BPTF: variants seen among roughly 807,000 people sequenced by gnomAD.
BPTF encodes nucleosome-remodeling factor subunit BPTF.
Under a neutral mutation model 292.5 loss-of-function variants are expected in BPTF, and 18 were observed. The ratio of observed to expected loss-of-function variants is 0.06; its 90% confidence interval spans 0.04 to 0.09. BPTF has a LOEUF of 0.09. BPTF is among the 10% of genes least tolerant of loss of function. The pLI, the probability that BPTF is intolerant of heterozygous loss-of-function variation, is 1.00. For missense variants in BPTF, 2,726 were observed against 3,498.7 expected (o/e 0.78, Z 5.57); for synonymous variants, 1,225 against 1,251.9 (o/e 0.98, Z 0.45).
Position 67,853,864 on chromosome 17 carries a change from G to T in BPTF, c.614-76G>T, listed in dbSNP as rs564005359. The T allele has an allele frequency of 2.8e-6, 3 of 1,076,860 alleles. No homozygotes were observed. In the East Asian group the frequency reaches 7.1e-5, roughly 26 times the overall value. The allele number at this position is 1,076,860 out of a possible 1,614,324, so 66.7% of individuals were successfully genotyped here. A position where few individuals can be genotyped will look rare whatever the true frequency, so the allele number is the denominator to read the frequency against. On this transcript the variant is annotated intron_variant, in intron 1 of 27. Coordinates refer to ENST00000306378, the MANE Select transcript of BPTF (RefSeq NM_182641.4). Reference sequence around the variant, plus strand: ...AAATGTACTTATGTATTTTAGGGGGGTATATGTTCAAATAGGAAATTTGTA... The same window carrying T: ...AAATGTACTTATGTATTTTAGGGGGTTATATGTTCAAATAGGAAATTTGTA...
At chr17:67,944,041 T>C in intron 19 of BPTF, 109 bp from the exon 20 acceptor site, 1 of 833,128 alleles carries the variant, frequency 1.2e-6, no homozygotes, top group Admixed American at 2.2e-5. Flanking sequence ...TTCAAATATG[T>C]ATTTTCATTA....
At chr17:67,838,778 T>C (rs1260670051) in intron 1 of BPTF, among the ~76,000 whole-genome samples, 1 of 152,234 alleles carries the variant, frequency 6.6e-6, no homozygotes, top group African/African-American at 2.4e-5. Flanking sequence ...ACCCAGCACA[T>C]GTGTGCATAC....
At chr17:67,974,346 A>T (rs983501741) in intron 26 of BPTF, 4 of 152,060 alleles carry the variant, frequency 2.6e-5, no homozygotes, top group African/African-American at 7.2e-5. Context: ...ACGTGGGAGA[A>T]TTCTGTTTGG....
At chr17:67,922,565 A>G (rs2147239662) in intron 13 of BPTF, among the ~76,000 whole-genome samples, 1 of 152,266 alleles carries the variant, frequency 6.6e-6, no homozygotes. Flanking sequence ...AAAGGCTCAT[A>G]AGCCTTGTAT....
chr17:67,963,051 G>A lies in BPTF; in HGVS notation c.8262-1161G>A, dbSNP rs567523991. Among the ~76,000 whole-genome samples the A allele has an allele frequency of 4.3e-4, 65 of 152,200 alleles. 1 individual carries two copies. Among genetic ancestry groups the A allele is most frequent in the African/African-American group, 1.6e-3 (65 of 41,526 alleles). On this transcript the variant is annotated intron_variant, in intron 24 of 27. Transcript: ENST00000306378. The stretch of plus-strand genomic sequence containing the variant: ...CAGAGGAAGACATTACCATCAATGT[G>A]TTGTTTCTTTTTTCAAATTCCAGTA...
chr17:67,833,178 C>T (rs1392511009), intron 1 of BPTF, among the ~76,000 whole-genome samples: 5 of 151,862 alleles, frequency 3.3e-5, no homozygotes, highest in Non-Finnish European at 5.9e-5. Flanking sequence ...TGTTTTCAAG[C>T]GTTATGCATA....
chr17:67,880,374 G>T (rs996106634), intron 4 of BPTF, among the ~76,000 whole-genome samples: 2 of 151,936 alleles, frequency 1.3e-5, no homozygotes, highest in Admixed American at 6.6e-5. Context: ...TGCTTTGATG[G>T]TTTGTAGTTT....
intron 1 of BPTF, among the ~76,000 whole-genome samples, chr17:67,847,387 G>A (rs1346838726): frequency 2.6e-5 from 4 of 152,044 alleles, no homozygotes; most frequent in African/African-American, 7.2e-5. Context: ...GGTGGCACAT[G>A]CCTGTAATTC....
At chr17:67,845,661 C>T (rs954350090) in intron 1 of BPTF, among the ~76,000 whole-genome samples, 3 of 151,990 alleles carry the variant, frequency 2.0e-5, no homozygotes, top group African/African-American at 7.2e-5. Flanking sequence ...TTTGTCCCAG[C>T]TACTCAGGAG....
At chr17:67,956,660 C>CT (rs1555681174) in intron 23 of BPTF, 4 of 128,758 alleles carry the variant, frequency 3.1e-5, no homozygotes, top group Non-Finnish European at 6.5e-5. Flanking sequence ...TTCAGTTCTA[C>CT]TTAAAAAAAA....
Position 67,911,708 on chromosome 17 carries a change from T to C in BPTF, c.3824T>C (p.Phe1275Ser). ...DATPLSRAMD[F>S]EGKLGCDSES... Reference sequence around the variant, plus strand: ...ACACCTCTGTCAAGAGCAATGGACTTTGAAGGAAAACTGGGATGTGACTCT... The same window carrying C: ...ACACCTCTGTCAAGAGCAATGGACTCTGAAGGAAAACTGGGATGTGACTCT... The change falls in exon 11 of 28, where the codon TTT (phenylalanine) becomes TCT (serine). Residue 1275 changes from phenylalanine (F) to serine (S), a missense_variant. Coordinates refer to ENST00000306378, the MANE Select transcript of BPTF (RefSeq NM_182641.4). 1 of 1,614,120 alleles carries C rather than the reference T, an allele frequency of 6.2e-7. No individual in the cohort carries two copies. The highest frequency in any genetic ancestry group is 1.7e-5 in the Admixed American group (1 of 59,992).
rs1415876930 is a variant in BPTF at position 67,910,808 on chromosome 17, A to AG, written c.2993-69_2993-68insG. 1.0e-5 allele frequency: 12 copies of AG among 1,150,644 alleles called. No individual in the cohort carries two copies. The East Asian group carries it at 3.8e-4, about 36-fold the overall frequency. The allele number at this position is 1,150,644 out of a possible 1,614,324, so 71.3% of individuals were successfully genotyped here. On this transcript the variant is annotated intron_variant, in intron 10 of 27. Transcript: ENST00000306378. The stretch of plus-strand genomic sequence containing the variant: ...GAGTGAGACTCCATCTCAAAAAAAA[A>AG]AATATATATATATAAATTCCTCCTT...
chr17:67,933,063 G>C (rs1005762879), intron 18 of BPTF, among the ~76,000 whole-genome samples: 2 of 152,016 alleles, frequency 1.3e-5, no homozygotes, highest in Non-Finnish European at 2.9e-5. Context: ...GACCATCCTG[G>C]CCAACATGGG....
At chr17:67,879,540 A>G (rs1446585407) in intron 4 of BPTF, among the ~76,000 whole-genome samples, 4 of 152,160 alleles carry the variant, frequency 2.6e-5, no homozygotes, top group Admixed American at 2.6e-4. Context: ...TTTAGTAGAT[A>G]ATGGCTATCT....
chr17:67,906,075 G>A (rs140504721), intron 9 of BPTF, among the ~76,000 whole-genome samples: 4 of 151,776 alleles, frequency 2.6e-5, no homozygotes, highest in Admixed American at 6.6e-5. Context: ...GTTTTTTTTG[G>A]GGGGAGGGGT....
At chr17:67,965,196 A>T (rs1196901625) in intron 25 of BPTF, 1 of 151,602 alleles carries the variant, frequency 6.6e-6, no homozygotes, top group Non-Finnish European at 1.5e-5. Context: ...ACAAAAAATT[A>T]GCCAGGTGCG....
chr17:67,930,210 T>G (rs1053120448), intron 17 of BPTF, among the ~76,000 whole-genome samples: 3 of 152,180 alleles, frequency 2.0e-5, no homozygotes, highest in African/African-American at 7.2e-5. Context: ...CATCATTTCT[T>G]TTTTTGAGAC....
intron 11 of BPTF, 99 bp downstream of exon 11, chr17:67,913,286 G>C (rs2062770348): frequency 1.4e-6 from 2 of 1,451,590 alleles, no homozygotes; most frequent in Admixed American, 2.4e-5. Flanking sequence ...ATAGAGATAA[G>C]ACAGGAAACA....
rs776758938 is a variant in BPTF at position 67,932,016 on chromosome 17, C to T, written c.6256C>T (p.Pro2086Ser). The T allele has an allele frequency of 2.1e-5, 33 of 1,609,190 alleles. No individual in the cohort carries two copies. Among genetic ancestry groups the T allele is most frequent in the Non-Finnish European group, 2.6e-5 (31 of 1,175,692 alleles). ...AIIRTPVMVQ[P>S]GAPQQVMTQI... ...TATTCGAACACCTGTGATGGTACAG[C>T]CAGGTATTTATCCATCCAGCATTAT... Residue 2086 changes from proline (P) to serine (S), a missense_variant, in exon 18 of 28, where the codon CCA becomes TCA. By Grantham distance (74) the Pro-to-Ser change is moderately conservative (BLOSUM62 -1). This residue lies in a region of BPTF where 570 missense variants were observed against 633.5 expected (regional missense o/e 0.90). Coordinates refer to ENST00000306378, the MANE Select transcript of BPTF (RefSeq NM_182641.4).
Sources: allele counts gnomAD v4.1 joint callset (sites outside exome capture counted in the v4.1 genomes callset), GRCh38; gene constraint gnomAD v4.1.1; regional missense constraint gnomAD v4.1.1; transcripts MANE v1.5; gene names NCBI Gene and HGNC (gene_info 2026-07-23, HGNC 2026-07-21).